RGS6: variants seen among roughly 807,000 people sequenced by gnomAD.
RGS6 encodes regulator of G protein signaling 6.
Under a neutral mutation model 78.5 loss-of-function variants are expected in RGS6, and 30 were observed. The observed-to-expected ratio is 0.38, with a 90% CI of 0.29 to 0.52. The LOEUF (loss-of-function observed/expected upper bound fraction) is 0.52. RGS6 is among the 20% of genes least tolerant of loss of function. RGS6 has a pLI of 0.85. For synonymous variants in RGS6, 206 were observed against 206.0 expected, an observed-to-expected ratio of 1.00 and a Z score of 0.00; for missense variants, 495 against 609.7, an observed-to-expected ratio of 0.81 and a Z score of 1.98.
At chr14:72,124,965 G>A (rs2096151471) in intron 2 of RGS6, among the ~76,000 whole-genome samples, 1 of 152,168 alleles carries the variant, frequency 6.6e-6, no homozygotes, top group East Asian at 1.9e-4. Context: ...TTCATATAAT[G>A]GAAGGACACC....
At chr14:72,418,024 A>T (rs1363695140) in intron 3 of RGS6, among the ~76,000 whole-genome samples, 1 of 152,020 alleles carries the variant, frequency 6.6e-6, no homozygotes, top group Non-Finnish European at 1.5e-5. Flanking sequence ...TGTTTCCATC[A>T]TTCTCCCACC....
In RGS6 at chr14:72,495,177, G is replaced by A; in HGVS notation, c.880G>A (p.Val294Met). 15 of 1,613,150 alleles carry A rather than the reference G, an allele frequency of 9.3e-6. No homozygotes were observed. Among genetic ancestry groups the A allele is most frequent in the Non-Finnish European group, 1.0e-5 (12 of 1,179,188 alleles). ...ESLIAYTEQYVEYDPLITPAE... is the reference protein window; with the variant it reads ...ESLIAYTEQYMEYDPLITPAE... Reference sequence around the variant, plus strand: ...TTTAATTGCCTACACGGAACAATATGTGGAATATGACCCTTTGATAACACC... The same window carrying A: ...TTTAATTGCCTACACGGAACAATATATGGAATATGACCCTTTGATAACACC... The change falls in exon 13 of 18, where the codon GTG becomes ATG. Residue 294 changes from valine to methionine, a missense_variant. By Grantham distance (21) the Val-to-Met change is conservative. Transcript: ENST00000553525.
At chr14:72,486,473 G>A (rs1006709392) in intron 12 of RGS6, among the ~76,000 whole-genome samples, 11 of 152,012 alleles carry the variant, frequency 7.2e-5, no homozygotes, top group Admixed American at 4.6e-4. Flanking sequence ...GCAGAAGTGA[G>A]CAGAAACCCA....
intron 2 of RGS6, among the ~76,000 whole-genome samples, chr14:72,208,984 G>A (rs557128567): frequency 6.6e-6 from 1 of 152,162 alleles, no homozygotes; most frequent in South Asian, 2.1e-4. Context: ...AGATGTGGTG[G>A]CACACACCTG....
At chr14:72,552,801 C>T (rs2097525505) in intron 17 of RGS6, 1 of 152,318 alleles carries the variant, frequency 6.6e-6, no homozygotes, top group South Asian at 2.1e-4. Context: ...CCGACAGAAA[C>T]AGAAGTGGAG....
intron 17 of RGS6, 63 bp downstream of exon 17, chr14:72,540,157 C>CTTTTT (rs56953388): frequency 7.7e-7 from 1 of 1,296,082 alleles, no homozygotes; most frequent in Non-Finnish European, 1.0e-6. Flanking sequence ...CTTTCTTCTT[C>CTTTTT]TTTTTTTTTT....
the RGS6 span, among the ~76,000 whole-genome samples, chr14:72,599,392 C>T: frequency 9.2e-6 from 1 of 108,342 alleles, no homozygotes; most frequent in Non-Finnish European, 1.7e-5. Flanking sequence ...TCTTTTCTTT[C>T]CTTTTTTTTT....
Position 72,374,262 on chromosome 14 carries a change from G to A in RGS6, c.184+22068G>A, listed in dbSNP as rs111289718. 7.6e-3 allele frequency among the ~76,000 whole-genome samples: 1,134 copies of A among 149,500 alleles called. 14 individuals are homozygous for A. Among genetic ancestry groups the A allele is most frequent in the African/African-American group, 0.026 (1,060 of 40,364 alleles). ...CCCTCCCCCCACCCCACGACAGGCC[G>A]TGGTGTGGGATGTTCCCCTTCCTGT... On this transcript the variant is annotated intron_variant, in intron 3 of 17. Coordinates refer to ENST00000553525, the MANE Select transcript of RGS6 (RefSeq NM_001204424.2).
chr14:72,285,741 G>A (rs1165320050), intron 2 of RGS6, among the ~76,000 whole-genome samples: 1 of 152,070 alleles, frequency 6.6e-6, no homozygotes, highest in Non-Finnish European at 1.5e-5. Context: ...TTGTATTTTT[G>A]ATGTGCATTT....
At chr14:72,576,005 T>C in the RGS6 span, among the ~76,000 whole-genome samples, 1 of 152,208 alleles carries the variant, frequency 6.6e-6, no homozygotes, top group African/African-American at 2.4e-5. Context: ...AGTGGCTATC[T>C]TGTAGAACTG....
chr14:72,281,048 G>C (rs1452331899), intron 2 of RGS6, among the ~76,000 whole-genome samples: 1 of 151,518 alleles, frequency 6.6e-6, no homozygotes, highest in East Asian at 1.9e-4. Context: ...TGTTCTGCAA[G>C]TTATTGGTTG....
intron 2 of RGS6, among the ~76,000 whole-genome samples, chr14:72,179,500 G>C (rs1299615555): frequency 1.3e-5 from 2 of 152,194 alleles, no homozygotes; most frequent in African/African-American, 4.8e-5. Flanking sequence ...TAACATAGCC[G>C]CATGGCAGGG....
chr14:72,063,632 C>T (rs1192712782), intron 2 of RGS6, among the ~76,000 whole-genome samples: 1 of 152,060 alleles, frequency 6.6e-6, no homozygotes, highest in Non-Finnish European at 1.5e-5. Flanking sequence ...GAAAGCTGAT[C>T]ATTATTTAGT....
In RGS6 at chr14:71,958,343, T is replaced by C. The variant is rs371030517; in HGVS notation, c.-20-6429T>C. Among the ~76,000 whole-genome samples, 81 of 152,332 alleles carry C rather than the reference T, an allele frequency of 5.3e-4. 2 individuals carry two copies. In the South Asian group the frequency reaches 0.017, roughly 32 times the overall value. ...GACAAACTGTGTTACTTTGGGCAAG[T>C]TACCTGTGCTCTTCAGTCTTACTTT... On this transcript the variant is annotated intron_variant, in intron 1 of 17. Transcript: ENST00000553525.
chr14:71,938,966 A>G lies in RGS6; in HGVS notation c.-21+6025A>G, dbSNP rs1416109245. On this transcript the variant is annotated intron_variant, in intron 1 of 17. Transcript: ENST00000553525. ...GCCAAAGGCTCCAAACAGCATCCCT[A>G]TCTGCCACTGACAACTCAAGCACCA... 2.0e-5 allele frequency among the ~76,000 whole-genome samples: 3 copies of G among 152,150 alleles called. No individual in the cohort carries two copies. In the East Asian group the frequency reaches 5.8e-4, roughly 29 times the overall value.
intron 2 of RGS6, among the ~76,000 whole-genome samples, chr14:72,110,346 T>C (rs1287721920): frequency 6.6e-6 from 1 of 152,212 alleles, no homozygotes; most frequent in African/African-American, 2.4e-5. Flanking sequence ...ATATGTAAAG[T>C]GTTCTGGGTA....
At chr14:72,318,392 C>T (rs926576557) in intron 2 of RGS6, among the ~76,000 whole-genome samples, 5 of 151,888 alleles carry the variant, frequency 3.3e-5, no homozygotes, top group African/African-American at 7.2e-5. Context: ...CTGACTTGAA[C>T]GTTAATCTCC....
intron 2 of RGS6, among the ~76,000 whole-genome samples, chr14:72,252,019 A>G (rs2055916584): frequency 6.6e-6 from 1 of 152,218 alleles, no homozygotes; most frequent in Non-Finnish European, 1.5e-5. Context: ...GAGCTATGCC[A>G]TTGGAGTGAA....
At chr14:72,260,009 C>A (rs1027420849) in intron 2 of RGS6, among the ~76,000 whole-genome samples, 1 of 151,836 alleles carries the variant, frequency 6.6e-6, no homozygotes, top group Non-Finnish European at 1.5e-5. Context: ...AGTAGTTTAC[C>A]CAGAGTATCC....
Sources: allele counts gnomAD v4.1 joint callset (sites outside exome capture counted in the v4.1 genomes callset), GRCh38; gene constraint gnomAD v4.1.1; transcripts MANE v1.5; gene names NCBI Gene and HGNC (gene_info 2026-07-23, HGNC 2026-07-21).